DNAH14: variants seen among roughly 807,000 people sequenced by gnomAD.
DNAH14 encodes axonemal beta dynein heavy chain 14.
In DNAH14, 478 loss-of-function variants were observed where a neutral mutation model predicts 520.9. That is an observed-to-expected ratio of 0.92 (90% confidence interval 0.85 to 0.99). The LOEUF (loss-of-function observed/expected upper bound fraction) is 0.99. DNAH14 is among the 50% of genes least tolerant of loss of function. The pLI, the probability that DNAH14 is intolerant of heterozygous loss-of-function variation, is 0.00. For synonymous variants in DNAH14, 1,581 were observed against 1,757.2 expected, an observed-to-expected ratio of 0.90 and a Z score of 2.51; for missense variants, 4,831 against 5,234.5, an observed-to-expected ratio of 0.92 and a Z score of 2.38.
At chr1:224,954,870 G>A in intron 2 of DNAH14, 89 bp from the exon 3 acceptor site, 1 of 985,798 alleles carries the variant, frequency 1.0e-6, no homozygotes, top group South Asian at 1.6e-5. Context: ...AATTATAAAT[G>A]TGAAATTTTG....
chr1:225,108,222 C>G (rs559127750), intron 23 of DNAH14, among the ~76,000 whole-genome samples: 1 of 152,182 alleles, frequency 6.6e-6, no homozygotes, highest in African/African-American at 2.4e-5. Context: ...AGCTTTTGGA[C>G]TCTTGGACTT....
chr1:225,100,626 C>A, intron 22 of DNAH14, 87 bp from the exon 23 acceptor site: 2 of 1,016,588 alleles, frequency 2.0e-6, no homozygotes, highest in Non-Finnish European at 1.4e-6. Context: ...ATAACTCAAA[C>A]AGTATTCCGT....
intron 8 of DNAH14, among the ~76,000 whole-genome samples, chr1:224,977,463 T>C (rs1371037482): frequency 6.6e-6 from 1 of 152,124 alleles, no homozygotes; most frequent in East Asian, 1.9e-4. Flanking sequence ...ATTGTGCACA[T>C]GTACCCTAAA....
At chr1:225,154,397 G>A (rs945212302) in intron 34 of DNAH14, among the ~76,000 whole-genome samples, 4 of 152,040 alleles carry the variant, frequency 2.6e-5, no homozygotes, top group African/African-American at 9.7e-5. Context: ...ATGGAAAAAT[G>A]AGTCTAGCTA....
At chr1:225,021,927 A>G (rs1242609876) in intron 10 of DNAH14, among the ~76,000 whole-genome samples, 2 of 152,232 alleles carry the variant, frequency 1.3e-5, no homozygotes, top group Non-Finnish European at 2.9e-5. Flanking sequence ...GTACAAAAAC[A>G]GATACATAGA....
At chr1:225,397,951 G>A (rs1183573681) in intron 84 of DNAH14, 2 of 150,488 alleles carry the variant, frequency 1.3e-5, no homozygotes, top group South Asian at 4.2e-4. Context: ...GGAGGCTGAA[G>A]TGGGAGAACC....
rs1338604802 is a variant in DNAH14, at chr1:225,079,441, A to G, written c.2659A>G (p.Met887Val). 3.9e-6 allele frequency: 6 copies of G among 1,548,228 alleles called. No homozygotes were observed. The highest frequency in any genetic ancestry group is 1.2e-5 in the South Asian group (1 of 83,306). ...LLKFSQLKSS[M>V]KLSKINKDTA... ...TAAGTTTAGTCAACTAAAATCATCT[A>G]TGAAGTTAAGTAAAATAAATAAAGA... Residue 887 changes from methionine to valine, a missense_variant, in exon 18 of 86, where the codon ATG becomes GTG. Physicochemically the swap from Met to Val is conservative, Grantham distance 21. Coordinates refer to ENST00000682510, the MANE Select transcript of DNAH14 (RefSeq NM_001367479.1).
chr1:225,247,343 T>G (rs1481157046), intron 43 of DNAH14, among the ~76,000 whole-genome samples: 1 of 152,060 alleles, frequency 6.6e-6, no homozygotes, highest in South Asian at 2.1e-4. Flanking sequence ...TGTATACTTA[T>G]GTAACAAACC....
intron 41 of DNAH14, among the ~76,000 whole-genome samples, chr1:225,220,560 A>G (rs2089946184): frequency 6.6e-6 from 1 of 152,228 alleles, no homozygotes; most frequent in African/African-American, 2.4e-5. Context: ...CAATTGCTAC[A>G]AAGAAAATAA....
intron 17 of DNAH14, among the ~76,000 whole-genome samples, chr1:225,061,168 C>G (rs554128053): frequency 3.9e-5 from 6 of 152,318 alleles, no homozygotes; most frequent in South Asian, 2.1e-4. Flanking sequence ...CCACCCAGTT[C>G]GAGCTTCCCA....
chr1:225,376,847 G>A (rs1430562733), intron 78 of DNAH14, among the ~76,000 whole-genome samples: 1 of 152,054 alleles, frequency 6.6e-6, no homozygotes, highest in Non-Finnish European at 1.5e-5. Context: ...TTGGTCAGTG[G>A]TCAATTATTC....
intron 8 of DNAH14, among the ~76,000 whole-genome samples, chr1:225,001,621 A>G (rs2063781118): frequency 6.6e-6 from 1 of 152,032 alleles, no homozygotes; most frequent in African/African-American, 2.4e-5. Flanking sequence ...CCCCATTTTC[A>G]TATCTATGTT....
intron 3 of DNAH14, among the ~76,000 whole-genome samples, chr1:224,957,364 A>T (rs1242963779): frequency 6.6e-6 from 1 of 152,102 alleles, no homozygotes; most frequent in African/African-American, 2.4e-5. Context: ...CATGCCAGTG[A>T]TGTCTAGGAG....
intron 62 of DNAH14, among the ~76,000 whole-genome samples, chr1:225,324,018 G>T (rs1442510848): frequency 6.6e-6 from 1 of 152,032 alleles, no homozygotes; most frequent in East Asian, 1.9e-4. Context: ...ATTTCACCAT[G>T]TTGGCTAGGC....
chr1:224,997,756 A>C (rs755920211), intron 8 of DNAH14, among the ~76,000 whole-genome samples: 3 of 151,800 alleles, frequency 2.0e-5, no homozygotes, highest in Non-Finnish European at 4.4e-5. Flanking sequence ...CGATTTTTTA[A>C]ATTATTATTA....
At chr1:225,372,691 T>C (rs1326228489) in intron 77 of DNAH14, among the ~76,000 whole-genome samples, 1 of 152,042 alleles carries the variant, frequency 6.6e-6, no homozygotes, top group African/African-American at 2.4e-5. Context: ...CCCAGAACCA[T>C]AAAAGAAAAG....
At chr1:225,256,870 CAAAGTA>C (rs1194186672) in intron 44 of DNAH14, among the ~76,000 whole-genome samples, 1 of 151,684 alleles carries the variant, frequency 6.6e-6, no homozygotes, top group African/African-American at 2.4e-5. Flanking sequence ...CTTTACAAAT[CAAAGTA>C]AAAGACCAGG....
rs1364832729 is a variant in DNAH14, at chr1:225,356,458, C to T, written c.11620-2038C>T. On this transcript the variant is annotated intron_variant, in intron 73 of 85. Coordinates refer to ENST00000682510, the MANE Select transcript of DNAH14 (RefSeq NM_001367479.1). ...TTAGAAGAGGATTTTCTTCTTCTAT[C>T]CAACCCACTTCTCTAATTTTTGTTA... Among the ~76,000 whole-genome samples the T allele has an allele frequency of 2.6e-5, 4 of 152,170 alleles. No individual in the cohort carries two copies. The East Asian group carries it at 7.7e-4, about 29-fold the overall frequency.
intron 1 of DNAH14, among the ~76,000 whole-genome samples, chr1:224,947,122 T>C (rs1343113604): frequency 6.6e-6 from 1 of 152,000 alleles, no homozygotes; most frequent in Non-Finnish European, 1.5e-5. Context: ...TTTACCATGT[T>C]AGTCAGGCTG....
Sources: allele counts gnomAD v4.1 joint callset (sites outside exome capture counted in the v4.1 genomes callset), GRCh38; gene constraint gnomAD v4.1.1; transcripts MANE v1.5; gene names NCBI Gene and HGNC (gene_info 2026-07-23, HGNC 2026-07-21).